SNTG1: variants seen among roughly 807,000 people sequenced by gnomAD.
SNTG1 encodes the protein syntrophin gamma 1.
Under a neutral mutation model 74.7 loss-of-function variants are expected in SNTG1, and 39 were observed. The observed-to-expected ratio is 0.52, with a 90% CI of 0.40 to 0.68. The LOEUF (loss-of-function observed/expected upper bound fraction) is 0.68. SNTG1 is among the 30% of genes least tolerant of loss of function. The probability of loss-of-function intolerance (pLI) is 0.00; values close to 1 mark genes in which losing one functional copy is unlikely to be tolerated. For missense variants in SNTG1, 685 were observed against 609.5 expected (o/e 1.12, Z -1.30); for synonymous variants, 254 against 217.1 (o/e 1.17, Z -1.49).
chr8:49,974,544 C>A (rs1812010421), intron 1 of SNTG1, among the ~76,000 whole-genome samples: 1 of 152,034 alleles, frequency 6.6e-6, no homozygotes, highest in Admixed American at 6.6e-5. Flanking sequence ...GATTATTTTT[C>A]TTTTGGTGTC....
At chr8:50,470,590 G>A (rs550199504) in intron 8 of SNTG1, among the ~76,000 whole-genome samples, 9 of 152,308 alleles carry the variant, frequency 5.9e-5, no homozygotes, top group African/African-American at 1.9e-4. Context: ...TGGTCTTGCT[G>A]GCTTCAGGAG....
chr8:50,104,539 C>T (rs201819238), intron 1 of SNTG1, among the ~76,000 whole-genome samples: 8 of 151,744 alleles, frequency 5.3e-5, no homozygotes, highest in Non-Finnish European at 7.4e-5. Context: ...TTTTTTGAAG[C>T]GTTTTTTTGT....
At chr8:50,349,268 A>G (rs1308461702) in intron 2 of SNTG1, among the ~76,000 whole-genome samples, 1 of 152,008 alleles carries the variant, frequency 6.6e-6, no homozygotes, top group East Asian at 1.9e-4. Context: ...CTAGGTGCTA[A>G]GTGATGGGAG....
chr8:50,228,432 C>A (rs1012263508), intron 2 of SNTG1, among the ~76,000 whole-genome samples: 1 of 151,796 alleles, frequency 6.6e-6, no homozygotes, highest in Non-Finnish European at 1.5e-5. Context: ...CCAAAATGAA[C>A]AATCAATGCC....
intron 5 of SNTG1, among the ~76,000 whole-genome samples, chr8:50,442,979 C>T (rs1012236908): frequency 1.3e-5 from 2 of 152,196 alleles, no homozygotes; most frequent in Admixed American, 6.5e-5. Context: ...CAACTCTTGT[C>T]TCCTTCCCCT....
At chr8:50,263,516 G>A (rs1402546054) in intron 2 of SNTG1, among the ~76,000 whole-genome samples, 1 of 152,050 alleles carries the variant, frequency 6.6e-6, no homozygotes, top group Non-Finnish European at 1.5e-5. Context: ...AAACTAAAAT[G>A]ACAGAAAAAG....
Position 50,701,693 on chromosome 8 carries a change from C to T in SNTG1, c.1039-2907C>T, listed in dbSNP as rs190716971. ...TCTTCCTTCTTCTTCTTCTTCTTTGCCTTCCTCTTCCTCTTCATCTTCCTC... is the reference window on the plus strand; with the variant it reads ...TCTTCCTTCTTCTTCTTCTTCTTTGTCTTCCTCTTCCTCTTCATCTTCCTC... On this transcript the variant is annotated intron_variant, in intron 15 of 18. Transcript: ENST00000642720. Among the ~76,000 whole-genome samples, 133 of 142,680 alleles carry T rather than the reference C, an allele frequency of 9.3e-4. 2 individuals are homozygous for T. Among genetic ancestry groups the T allele is most frequent in the Middle Eastern group, 7.2e-3 (2 of 278 alleles). The allele number at this position is 142,680 out of a possible 152,430, so 93.6% of individuals were successfully genotyped here.
chr8:50,236,753 A>C (rs1176286462), intron 2 of SNTG1, among the ~76,000 whole-genome samples: 1 of 152,020 alleles, frequency 6.6e-6, no homozygotes. Context: ...CCCGGCCAAA[A>C]ATTTTTAAAA....
intron 2 of SNTG1, among the ~76,000 whole-genome samples, chr8:50,224,923 T>C (rs2085250422): frequency 6.6e-6 from 1 of 152,308 alleles, no homozygotes. Context: ...CTTTTCAGGC[T>C]TTTTCCTGAT....
intron 2 of SNTG1, among the ~76,000 whole-genome samples, chr8:50,251,881 A>G (rs2086661263): frequency 6.6e-6 from 1 of 152,120 alleles, no homozygotes; most frequent in African/African-American, 2.4e-5. Context: ...ATATTTACAG[A>G]ACATTCCATC....
chr8:50,529,691 A>T (rs1356932503), intron 9 of SNTG1, among the ~76,000 whole-genome samples: 1 of 152,104 alleles, frequency 6.6e-6, no homozygotes, highest in Non-Finnish European at 1.5e-5. Context: ...AAAATGTGAT[A>T]ATTTTAATGG....
At chr8:50,002,011 C>T (rs766576901) in intron 1 of SNTG1, among the ~76,000 whole-genome samples, 1 of 152,094 alleles carries the variant, frequency 6.6e-6, no homozygotes, top group African/African-American at 2.4e-5. Context: ...TGTAGACTAC[C>T]GCTGTTTCTG....
At chr8:50,056,051 A>G (rs774139631) in intron 1 of SNTG1, among the ~76,000 whole-genome samples, 10 of 152,086 alleles carry the variant, frequency 6.6e-5, no homozygotes, top group Admixed American at 2.6e-4. Context: ...CTTTCCGTAC[A>G]TGCATTTTGG....
intron 10 of SNTG1, among the ~76,000 whole-genome samples, chr8:50,531,477 C>T (rs1483398581): frequency 6.6e-6 from 1 of 152,138 alleles, no homozygotes; most frequent in East Asian, 1.9e-4. Flanking sequence ...TTTTTTACCT[C>T]TTTATTTTGT....
chr8:49,957,043 T>G (rs1318297972), intron 1 of SNTG1, among the ~76,000 whole-genome samples: 1 of 152,148 alleles, frequency 6.6e-6, no homozygotes, highest in Non-Finnish European at 1.5e-5. Flanking sequence ...GTATGAAATT[T>G]TAGTTACAAG....
At chr8:50,579,944 A>G in intron 12 of SNTG1, among the ~76,000 whole-genome samples, 1 of 152,198 alleles carries the variant, frequency 6.6e-6, no homozygotes, top group South Asian at 2.1e-4. Flanking sequence ...CATTCTCCAC[A>G]CCCCATAATG....
At chr8:50,524,910 A>T (rs150117533) in intron 9 of SNTG1, among the ~76,000 whole-genome samples, 12 of 152,272 alleles carry the variant, frequency 7.9e-5, no homozygotes, top group African/African-American at 2.9e-4. Context: ...TACCACAATA[A>T]AAATTACTAT....
At chr8:50,410,954 A>G (rs1286246905) in intron 4 of SNTG1, among the ~76,000 whole-genome samples, 1 of 152,216 alleles carries the variant, frequency 6.6e-6, no homozygotes, top group Non-Finnish European at 1.5e-5. Flanking sequence ...TTCTAAGTAA[A>G]TACAACTGAT....
At chr8:50,153,657 C>T (rs923624745) in intron 1 of SNTG1, among the ~76,000 whole-genome samples, 1 of 152,200 alleles carries the variant, frequency 6.6e-6, no homozygotes, top group African/African-American at 2.4e-5. Flanking sequence ...CTGGAGTTTG[C>T]TGGAGGTCCA....
Sources: gnomAD v4.1 joint callset for allele counts (sites outside exome capture counted in the v4.1 genomes callset) on GRCh38, gnomAD v4.1.1 for gene constraint, MANE v1.5 for transcripts, NCBI Gene and HGNC (gene_info 2026-07-23, HGNC 2026-07-21) for gene names.